The following SOCS4 variants were observed in gnomAD, a reference collection of about 807,000 sequenced individuals.
SOCS4 encodes the protein SH2 domain containing SOCS box protein.
SOCS4 carries 20 observed loss-of-function variants against 34.1 expected under a neutral mutation model. The observed-to-expected ratio is 0.59, with a 90% CI of 0.41 to 0.85. The LOEUF is 0.85. Ranked by LOEUF, SOCS4 falls within the 40% of genes least tolerant of loss-of-function variation. SOCS4 has a pLI of 0.00. For missense variants in SOCS4, 479 were observed against 532.4 expected (o/e 0.90, Z 0.99); for synonymous variants, 180 against 186.4 (o/e 0.97, Z 0.28).
chr14:55,034,250 CAG>C (rs1251868563), intron 2 of SOCS4, among the ~76,000 whole-genome samples: 1 of 152,194 alleles, frequency 6.6e-6, no homozygotes, highest in Non-Finnish European at 1.5e-5. Context: ...AGGAACAGCA[CAG>C]ACAAATGACC....
In SOCS4 at chr14:55,027,260, G is replaced by T; in HGVS notation, c.-431G>T. 1 of 196,498 alleles carries T rather than the reference G, an allele frequency of 5.1e-6. No individual in the cohort carries two copies. The highest frequency in any genetic ancestry group is 9.2e-5 in the South Asian group (1 of 10,856). The allele number at this position is 196,498 out of a possible 1,614,324, so 12.2% of individuals were successfully genotyped here. ...CACGGAAGTGGTGGCGGCGCCCAGG[G>T]AACCGGCGGAGGCGATGACCGTGAC... On this transcript the variant is annotated 5_prime_UTR_variant, in exon 1 of 3. Coordinates refer to ENST00000555846, the MANE Select transcript of SOCS4 (RefSeq NM_199421.2).
At chr14:55,040,384 A>G (rs560776333) in intron 2 of SOCS4, among the ~76,000 whole-genome samples, 97 of 152,324 alleles carry the variant, frequency 6.4e-4, no homozygotes, top group African/African-American at 2.3e-3. Context: ...TAACCTACAC[A>G]TGTCCTCCCA....
chr14:55,039,459 A>C (rs2042598901), intron 2 of SOCS4, among the ~76,000 whole-genome samples: 1 of 152,160 alleles, frequency 6.6e-6, no homozygotes, highest in African/African-American at 2.4e-5. Flanking sequence ...ATTTAGTAGA[A>C]ATGGGAACAG....
rs2042556326 is a variant in SOCS4, at chr14:55,034,626, G to A, written c.-91+2635G>A. 2.0e-5 allele frequency among the ~76,000 whole-genome samples: 3 copies of A among 152,016 alleles called. No homozygotes were observed. In the South Asian group the frequency reaches 6.3e-4, roughly 32 times the overall value. ...AGGCAGGTGGATCACGAGGTCAGGA[G>A]TTCAAGACCAGCCTGGCCAAGATGG... On this transcript the variant is annotated intron_variant, in intron 2 of 2. Coordinates refer to ENST00000555846, the MANE Select transcript of SOCS4 (RefSeq NM_199421.2).
chr14:55,043,794 G>A lies in SOCS4; in HGVS notation c.753G>A (p.Leu251=), dbSNP rs767059317. ...AAAGAAACAAACCCAAATGGGATTT[G>A]GATGATGAAATCCTGCAGTTGGAAA... ...SRKRNKPKWD[L]DDEILQLETP... is the part of the protein sequence containing the mutation. Residue 251 remains leucine, a synonymous_variant, in exon 3 of 3, where the codon TTG becomes TTA. Coordinates refer to ENST00000555846, the MANE Select transcript of SOCS4 (RefSeq NM_199421.2). 2.5e-6 allele frequency: 4 copies of A among 1,614,134 alleles called. No homozygotes were observed. Among genetic ancestry groups the A allele is most frequent in the Non-Finnish European group, 2.5e-6 (3 of 1,180,018 alleles).
At chr14:55,037,596 C>T (rs1446707079) in intron 2 of SOCS4, among the ~76,000 whole-genome samples, 2 of 151,882 alleles carry the variant, frequency 1.3e-5, no homozygotes, top group Non-Finnish European at 2.9e-5. Flanking sequence ...CGGATTCAAG[C>T]GATTCTCCTG....
In SOCS4 at chr14:55,047,298, CTT is replaced by C. The variant is rs1478293296; in HGVS notation, c.*2935_*2936del. 1.2e-5 allele frequency: 2 copies of C among 167,070 alleles called. No individual in the cohort carries two copies. Among genetic ancestry groups the C allele is most frequent in the Admixed American group, 1.3e-4 (2 of 15,280 alleles). 10.3% of individuals were successfully genotyped at this position (167,070 alleles called of 1,614,324 possible). On this transcript the variant is annotated 3_prime_UTR_variant, in exon 3 of 3. Transcript: ENST00000555846. Reference sequence around the variant, plus strand: ...CATCCTGGGCTAATCAGGAAATAAACTTGACTTTTCTATTTTTCTCTGAAGCT... The same window carrying C: ...CATCCTGGGCTAATCAGGAAATAAACGACTTTTCTATTTTTCTCTGAAGCT...
Position 55,043,361 on chromosome 14 carries a change from A to G in SOCS4, c.320A>G (p.Asn107Ser), listed in dbSNP as rs1157793391. The G allele has an allele frequency of 6.2e-7, 1 of 1,614,242 alleles. No homozygotes were observed. Among genetic ancestry groups the G allele is most frequent in the South Asian group, 1.1e-5 (1 of 91,090 alleles). ...DAVGQCFPIK[N>S]CSSRHSSGLP... ...GTGGGGCAGTGTTTTCCAATAAAGA[A>G]TTGTAGTAGTCGGCACTCTTCAGGG... Residue 107 changes from asparagine to serine, a missense_variant, in exon 3 of 3, where the codon AAT becomes AGT. Coordinates refer to ENST00000555846, the MANE Select transcript of SOCS4 (RefSeq NM_199421.2).
intron 1 of SOCS4, among the ~76,000 whole-genome samples, chr14:55,029,593 T>C (rs1214374934): frequency 6.6e-6 from 1 of 152,208 alleles, no homozygotes; most frequent in Non-Finnish European, 1.5e-5. Context: ...TCTAAGAGGA[T>C]ATATCAGTAT....
intron 2 of SOCS4, among the ~76,000 whole-genome samples, chr14:55,032,792 G>GT (rs940266779): frequency 3.6e-4 from 54 of 148,134 alleles, no homozygotes; most frequent in African/African-American, 2.5e-4. Flanking sequence ...TGTATACAAA[G>GT]TTTTTTTTTT....
chr14:55,034,323 AT>A (rs1313108671), intron 2 of SOCS4, among the ~76,000 whole-genome samples: 1 of 152,178 alleles, frequency 6.6e-6, no homozygotes, highest in Non-Finnish European at 1.5e-5. Flanking sequence ...TAGTTTTTGT[AT>A]GTTTTAGACA....
chr14:55,030,696 C>G (rs1243308762), intron 1 of SOCS4, among the ~76,000 whole-genome samples: 1 of 152,074 alleles, frequency 6.6e-6, no homozygotes, highest in Non-Finnish European at 1.5e-5. Flanking sequence ...CATGAGGTAG[C>G]TGGCATTATC....
intron 2 of SOCS4, among the ~76,000 whole-genome samples, chr14:55,032,197 A>T (rs1439183101): frequency 6.6e-6 from 1 of 152,224 alleles, no homozygotes; most frequent in African/African-American, 2.4e-5. Context: ...TAATTAACGT[A>T]TGCAATAATG....
At position 55,046,207 on chromosome 14, in the gene SOCS4, C is replaced by G. The variant is rs1477653874; in HGVS notation, c.*1843C>G. ...TTTACAAGGTTAGAAAAGTCTCATA[C>G]TACCTCATCTTTATTGTGGCGCTTT... On this transcript the variant is annotated 3_prime_UTR_variant, in exon 3 of 3. Transcript: ENST00000555846. The G allele has an allele frequency of 6.0e-6, 1 of 166,852 alleles. No individual in the cohort carries two copies. The highest frequency in any genetic ancestry group is 1.5e-5 in the Non-Finnish European group (1 of 67,990). 10.3% of individuals were successfully genotyped at this position (166,852 alleles called of 1,614,324 possible).
At position 55,043,107 on chromosome 14, in the gene SOCS4, A is replaced by G. The variant is rs113994654; in HGVS notation, c.66A>G (p.Arg22=). 9.3e-6 allele frequency: 15 copies of G among 1,614,162 alleles called. No individual in the cohort carries two copies. The Middle Eastern group carries it at 4.9e-4, about 53-fold the overall frequency. Reference sequence around the variant, plus strand: ...TAAGGCCCAAAACTAGTCGGAGCAGAAGTGCCGACAGAAAAGACGGTTATG... The same window carrying G: ...TAAGGCCCAAAACTAGTCGGAGCAGGAGTGCCGACAGAAAAGACGGTTATG... The part of the protein sequence containing the change: ...VDVRPKTSRS[R]SADRKDGYVW... Residue 22 remains arginine, a synonymous_variant, in exon 3 of 3, where the codon AGA becomes AGG. Coordinates refer to ENST00000555846, the MANE Select transcript of SOCS4 (RefSeq NM_199421.2).
rs1594619517 is a variant in SOCS4, at chr14:55,049,039, A to T, written c.*4675A>T. 1.2e-5 allele frequency: 2 copies of T among 166,962 alleles called. No individual in the cohort carries two copies. The highest frequency in any genetic ancestry group is 6.8e-3 in the Middle Eastern group (2 of 296). The allele number at this position is 166,962 out of a possible 1,614,324, so 10.3% of individuals were successfully genotyped here. A position where few individuals can be genotyped will look rare whatever the true frequency, so the allele number is the denominator to read the frequency against. ...AATTTATGGTTTAGGCTCTGCAATT[A>T]GAGGAACAATTGCAGTTTCCTCCTA... is the stretch of plus-strand genomic sequence containing the variant. On this transcript the variant is annotated 3_prime_UTR_variant, in exon 3 of 3. Transcript: ENST00000555846.
chr14:55,042,777 TATATA>T (rs2042631499), intron 2 of SOCS4, among the ~76,000 whole-genome samples, 170 bp from the exon 3 acceptor site: 1 of 152,208 alleles, frequency 6.6e-6, no homozygotes, highest in African/African-American at 2.4e-5. Flanking sequence ...TCATGTATAT[TATATA>T]ATATATAGCA....
At chr14:55,030,776 G>C (rs956827341) in intron 1 of SOCS4, among the ~76,000 whole-genome samples, 1 of 152,116 alleles carries the variant, frequency 6.6e-6, no homozygotes, top group Admixed American at 6.6e-5. Context: ...CTAGTGAGTG[G>C]AAAAGTCTGA....
intron 1 of SOCS4, among the ~76,000 whole-genome samples, chr14:55,030,095 C>T (rs2042515384): frequency 6.6e-6 from 1 of 152,148 alleles, no homozygotes; most frequent in Admixed American, 6.5e-5. Context: ...CCAGGTCTTT[C>T]ACCTAGTCCA....
Sources: gnomAD v4.1 joint callset for allele counts (sites outside exome capture counted in the v4.1 genomes callset) on GRCh38, gnomAD v4.1.1 for gene constraint, MANE v1.5 for transcripts, NCBI Gene and HGNC (gene_info 2026-07-23, HGNC 2026-07-21) for gene names.